The following NOX1 variants were observed in gnomAD, a reference collection of about 807,000 sequenced individuals.
NOX1 encodes the protein NADH/NADPH mitogenic oxidase subunit P65-MOX.
A neutral mutation model predicts 42.5 loss-of-function variants in NOX1; 34 were observed. The observed-to-expected ratio is 0.80, with a 90% CI of 0.61 to 1.07. The LOEUF is 1.07. Among genes scored for constraint, NOX1 ranks in the 50% least tolerant of loss-of-function variants. NOX1 has a pLI of 0.00. For missense variants in NOX1, 408 were observed against 427.0 expected (o/e 0.96, Z 0.39); for synonymous variants, 143 against 152.5 (o/e 0.94, Z 0.46).
At chrX:100,853,139 C>T (rs1050109197) in intron 7 of NOX1, among the ~76,000 whole-genome samples, 12 of 110,762 alleles carry the variant, frequency 1.1e-4, no homozygotes, top group African/African-American at 2.9e-4. Context: ...GTATTATGCA[C>T]GAGTAAAGTA....
At chrX:100,863,332 T>A in intron 3 of NOX1, 89 bp from the exon 4 acceptor site, 1 of 925,086 alleles carries the variant, frequency 1.1e-6, no homozygotes, top group Non-Finnish European at 1.6e-6. Context: ...GCATATAGCA[T>A]GCCAATACTC....
intron 7 of NOX1, among the ~76,000 whole-genome samples, chrX:100,851,849 A>T (rs918509994): frequency 9.0e-6 from 1 of 111,632 alleles, no homozygotes. Flanking sequence ...AGGAGGCAGC[A>T]GAGGTTGCAG....
intron 7 of NOX1, among the ~76,000 whole-genome samples, chrX:100,861,035 G>A (rs1024090972): frequency 9.0e-6 from 1 of 111,392 alleles, no homozygotes; most frequent in Admixed American, 9.6e-5. Context: ...CACCGTGCCC[G>A]GCCCGATGGG....
At chrX:100,866,488 CTGTGTGTGTG>C (rs36112590) in intron 2 of NOX1, among the ~76,000 whole-genome samples, 4 of 96,676 alleles carry the variant, frequency 4.1e-5, no homozygotes, top group South Asian at 1.0e-3. Flanking sequence ...GTGTGTGTCC[CTGTGTGTGTG>C]TGTGTGTGTG....
At chrX:100,856,397 G>C in intron 7 of NOX1, 1 of 503,090 alleles carries the variant, frequency 2.0e-6, no homozygotes, top group Non-Finnish European at 3.5e-6. Flanking sequence ...AGGGAGAAGA[G>C]AGACTTTAAC....
chrX:100,845,497 T>C (rs1457800008), intron 12 of NOX1, among the ~76,000 whole-genome samples: 1 of 110,994 alleles, frequency 9.0e-6, no homozygotes, highest in Non-Finnish European at 1.9e-5. Context: ...TTCGGGGCTA[T>C]TATGAGTAAT....
intron 7 of NOX1, among the ~76,000 whole-genome samples, chrX:100,853,290 C>CTT (rs1420186101): frequency 1.7e-5 from 1 of 57,604 alleles, no homozygotes; most frequent in Non-Finnish European, 3.4e-5. Flanking sequence ...TTCTTTCTTT[C>CTT]TTTCTTTCTT....
intron 2 of NOX1, among the ~76,000 whole-genome samples, chrX:100,867,336 T>C (rs1217534907): frequency 8.9e-6 from 1 of 112,720 alleles, no homozygotes; most frequent in East Asian, 2.8e-4. Context: ...TGTTTTTAAA[T>C]TATGGATTTA....
intron 7 of NOX1, among the ~76,000 whole-genome samples, chrX:100,851,607 A>G (rs1031894430): frequency 1.8e-5 from 2 of 112,249 alleles, no homozygotes; most frequent in Non-Finnish European, 3.7e-5. Context: ...AAATATTCTT[A>G]TTCTTAAATT....
chrX:100,855,856 C>T, intron 7 of NOX1: 1 of 1,164,867 alleles, frequency 8.6e-7, no homozygotes, highest in Non-Finnish European at 1.2e-6. Flanking sequence ...GCTTTCCTAA[C>T]TTCACAGTTG....
chrX:100,853,481 A>G (rs2085144940), intron 7 of NOX1, among the ~76,000 whole-genome samples: 1 of 86,964 alleles, frequency 1.1e-5, no homozygotes, highest in Non-Finnish European at 2.5e-5. Flanking sequence ...GCTCACTGCA[A>G]CCCCCGCCTC....
intron 7 of NOX1, among the ~76,000 whole-genome samples, chrX:100,854,202 T>C (rs1223062333): frequency 8.9e-6 from 1 of 111,820 alleles, no homozygotes; most frequent in Non-Finnish European, 1.9e-5. Context: ...AAAACATTAT[T>C]TCCTCTAGGT....
Position 100,867,310 on chromosome X carries a change from G to C in NOX1, c.141+3409C>G, listed in dbSNP as rs182787613. ...GCTGGGATTACAGGCGTGAGCCACAGCGCCTGGCAAAAAAATGTTTTTAAA... is the reference window on the plus strand; with the variant it reads ...GCTGGGATTACAGGCGTGAGCCACACCGCCTGGCAAAAAAATGTTTTTAAA... On this transcript the variant is annotated intron_variant, in intron 2 of 12. Coordinates refer to ENST00000372966, the MANE Select transcript of NOX1 (RefSeq NM_007052.5). Among the ~76,000 whole-genome samples the C allele has an allele frequency of 4.8e-3, 544 of 112,340 alleles. 1 individual carries two copies. The highest frequency in any genetic ancestry group is 0.017 in the African/African-American group (524 of 30,989).
rs1283545284 is a variant in NOX1 at position 100,843,465 on chromosome X, TTGTTTATTATTTA to T, written c.*474_*486del. ...TATGGGGATGGGGTTCTCGGTAATT[TTGTTTATTATTTA>T]TGTTTATTATTATGTTTTATCATTA... On this transcript the variant is annotated 3_prime_UTR_variant, in exon 13 of 13. Coordinates refer to ENST00000372966, the MANE Select transcript of NOX1 (RefSeq NM_007052.5). The T allele has an allele frequency of 1.8e-6, 2 of 1,093,828 alleles. No homozygotes were observed. The highest frequency in any genetic ancestry group is 3.6e-5 in the East Asian group (1 of 27,909). The allele number at this position is 1,093,828 out of a possible 1,213,427, so 90.1% of individuals were successfully genotyped here.
chrX:100,846,341 T>C (rs1217313336), intron 12 of NOX1, among the ~76,000 whole-genome samples: 1 of 112,624 alleles, frequency 8.9e-6, no homozygotes, highest in Non-Finnish European at 1.9e-5. Context: ...GCCAATACTA[T>C]TGTCCATCTT....
intron 2 of NOX1, among the ~76,000 whole-genome samples, chrX:100,867,135 C>T (rs1385318927): frequency 1.8e-5 from 2 of 111,901 alleles, no homozygotes; most frequent in African/African-American, 6.5e-5. Flanking sequence ...TGGGTTCACG[C>T]CATTCTTCTG....
chrX:100,872,045 C>T (rs1014040522), intron 1 of NOX1, among the ~76,000 whole-genome samples: 36 of 111,648 alleles, frequency 3.2e-4, no homozygotes, highest in African/African-American at 1.1e-3. Context: ...TCAGATAATG[C>T]GTGTAAAGTG....
chrX:100,855,762 T>C lies in NOX1; in HGVS notation c.805-4437A>G, dbSNP rs1358190157. 2.8e-5 allele frequency: 29 copies of C among 1,038,428 alleles called. No homozygotes were observed. The Admixed American group carries it at 6.4e-4, about 23-fold the overall frequency. The allele number at this position is 1,038,428 out of a possible 1,213,427, so 85.6% of individuals were successfully genotyped here. Reference sequence around the variant, plus strand: ...ACTGAAGTTTCCTCCACAACCAAAGTTTTCATTCCCACCAAAACCACCTCC... The same window carrying C: ...ACTGAAGTTTCCTCCACAACCAAAGCTTTCATTCCCACCAAAACCACCTCC... On this transcript the variant is annotated intron_variant, in intron 7 of 12. Coordinates refer to ENST00000372966, the MANE Select transcript of NOX1 (RefSeq NM_007052.5).
At chrX:100,870,331 A>G (rs1312678208) in intron 2 of NOX1, among the ~76,000 whole-genome samples, 1 of 109,883 alleles carries the variant, frequency 9.1e-6, no homozygotes, top group Non-Finnish European at 1.9e-5. Flanking sequence ...CATACCCTGT[A>G]GGAACACCTG....
Sources: allele counts gnomAD v4.1 joint callset (sites outside exome capture counted in the v4.1 genomes callset), GRCh38; gene constraint gnomAD v4.1.1; transcripts MANE v1.5; gene names NCBI Gene and HGNC (gene_info 2026-07-23, HGNC 2026-07-21).